The following PDZD4 variants were observed in gnomAD, a reference collection of about 807,000 sequenced individuals.
The protein encoded by PDZD4 is PDZ domain containing 4, also known as PDZ domain-containing protein 4.
Under a neutral mutation model 38.5 loss-of-function variants are expected in PDZD4, and 9 were observed. The observed-to-expected ratio is 0.23, with a 90% confidence interval of 0.14 to 0.41. The LOEUF is 0.41. PDZD4 is among the 10% of genes least tolerant of loss of function. PDZD4 has a pLI of 1.00. For missense variants in PDZD4, 612 were observed against 722.0 expected, an observed-to-expected ratio of 0.85 and a Z score of 1.75; for synonymous variants, 349 against 315.7, an observed-to-expected ratio of 1.11 and a Z score of -1.12.
chrX:153,806,607 A>G, intron 4 of PDZD4, 135 bp downstream of exon 4: 1 of 540,772 alleles, frequency 1.8e-6, no homozygotes, highest in East Asian at 3.6e-5. Flanking sequence ...GAAGCCGTCG[A>G]CCATCATCGC....
At chrX:153,813,508 C>T (rs1449267831) in intron 1 of PDZD4, among the ~76,000 whole-genome samples, 1 of 112,434 alleles carries the variant, frequency 8.9e-6, no homozygotes, top group Non-Finnish European at 1.9e-5. Flanking sequence ...TGCCAGCAGT[C>T]GAACAAACAA....
Position 153,804,333 on chromosome X carries a change from C to T in PDZD4, c.1348G>A (p.Ala450Thr), listed in dbSNP as rs1201003198. 6.6e-6 allele frequency: 8 copies of T among 1,205,854 alleles called. No homozygotes were observed. Among genetic ancestry groups the T allele is most frequent in the Non-Finnish European group, 6.7e-6 (6 of 893,925 alleles). ...TCGTGCTTCTTGGGCTCGCTGGCCG[C>T]CAGGTCGTAGAGGCTCTCCTCCTCC... ...LLEEESLYDLAASEPKKHELS... is the reference protein window; with the variant it reads ...LLEEESLYDLTASEPKKHELS... The change falls in exon 8 of 8, where the codon GCG becomes ACG. Residue 450 changes from alanine (A) to threonine (T), a missense_variant. Around this residue, in one of 3 missense-constraint regions of PDZD4, gnomAD observed 300 missense variants for 284.6 expected, o/e 1.05. Transcript: ENST00000393758.
Position 153,805,521 on chromosome X carries a change from G to A in PDZD4, c.653C>T (p.Ala218Val). The change falls in exon 6 of 8, where the codon GCC (alanine) becomes GTC (valine). Residue 218 changes from alanine to valine, a missense_variant. Physicochemically the swap from Ala to Val is moderately conservative, Grantham distance 64. Around this residue, in one of 3 missense-constraint regions of PDZD4, gnomAD observed 225 missense variants for 311.0 expected, o/e 0.72. Transcript: ENST00000393758. ...CATACACACCTGACTCTCAGGTCGG[G>A]CCACCAGCAGGGAGATGTTGGTGTT... ...EENTNISLLV[A>V]RPESQLAKRW... The A allele has an allele frequency of 8.3e-7, 1 of 1,209,260 alleles. No homozygotes were observed. Among genetic ancestry groups the A allele is most frequent in the Non-Finnish European group, 1.1e-6 (1 of 894,127 alleles).
At chrX:153,829,261 G>C (rs1228990662) in intron 1 of PDZD4, among the ~76,000 whole-genome samples, 2 of 87,111 alleles carry the variant, frequency 2.3e-5, no homozygotes, top group Non-Finnish European at 4.4e-5. Context: ...GTTCCCCCAC[G>C]TTCTCCCAAG....
chrX:153,814,797 T>TG (rs1557079516), intron 1 of PDZD4, among the ~76,000 whole-genome samples: 1 of 111,237 alleles, frequency 9.0e-6, no homozygotes, highest in African/African-American at 3.3e-5. Flanking sequence ...CCTGACCACG[T>TG]GCTGGGCATC....
intron 1 of PDZD4, among the ~76,000 whole-genome samples, chrX:153,812,336 G>A (rs1315936615): frequency 3.7e-5 from 4 of 107,763 alleles, no homozygotes; most frequent in African/African-American, 6.8e-5. Context: ...CTGAACTCCC[G>A]GGGCAGGACA....
chrX:153,816,381 C>T (rs1337481241), intron 1 of PDZD4, among the ~76,000 whole-genome samples: 4 of 108,396 alleles, frequency 3.7e-5, no homozygotes, highest in African/African-American at 1.0e-4. Flanking sequence ...TGCCAGGGAC[C>T]CCAGGGCTGG....
At chrX:153,829,719 C>T (rs1557083287) in intron 1 of PDZD4, 3 of 753,159 alleles carry the variant, frequency 4.0e-6, no homozygotes, top group East Asian at 1.5e-4. Context: ...CTGATCCCGG[C>T]GGCGCCCACT....
At chrX:153,820,113 C>G (rs1557080925) in intron 1 of PDZD4, among the ~76,000 whole-genome samples, 1 of 110,965 alleles carries the variant, frequency 9.0e-6, no homozygotes, top group Non-Finnish European at 1.9e-5. Context: ...CTTTGGGAGG[C>G]TGAGGCGGGC....
rs181194378 is a variant in PDZD4 at position 153,821,301 on chromosome X, G to A, written c.60+8938C>T. ...AGACATGTATACCGGTAGGGGTGCC[G>A]GTGACAGGGAAGGGGGTCAGTTAGC... On this transcript the variant is annotated intron_variant, in intron 1 of 7. Transcript: ENST00000393758. Among the ~76,000 whole-genome samples, 517 of 110,903 alleles carry A rather than the reference G, an allele frequency of 4.7e-3. 4 individuals carry two copies. Among genetic ancestry groups the A allele is most frequent in the African/African-American group, 0.016 (499 of 30,511 alleles).
At chrX:153,812,990 G>A (rs1449205973) in intron 1 of PDZD4, among the ~76,000 whole-genome samples, 3 of 109,987 alleles carry the variant, frequency 2.7e-5, no homozygotes, top group Non-Finnish European at 3.8e-5. Context: ...ACCTGCAAAC[G>A]TTTCCACACC....
rs973644953 is a variant in PDZD4, at chrX:153,802,776, C to G, written c.*577G>C. 9.2e-6 allele frequency: 1 copy of G among 108,887 alleles called. No individual in the cohort carries two copies. Among genetic ancestry groups the G allele is most frequent in the African/African-American group, 3.3e-5 (1 of 30,028 alleles). The allele number at this position is 108,887 out of a possible 1,213,427, so 9.0% of individuals were successfully genotyped here. On this transcript the variant is annotated 3_prime_UTR_variant, in exon 8 of 8. Transcript: ENST00000393758. ...ATCAGTGGAGAGGGGAGTTCCACTT[C>G]TGCCAGGCTGCCTGAAGGAGCTGCC...
Position 153,808,561 on chromosome X carries a change from T to C in PDZD4, c.95A>G (p.Glu32Gly), listed in dbSNP as rs781915826. The C allele has an allele frequency of 2.5e-6, 3 of 1,190,754 alleles. No homozygotes were observed. In the South Asian group the frequency reaches 5.6e-5, roughly 22 times the overall value. The change falls in exon 2 of 8, where the codon GAG becomes GGG. Residue 32 changes from glutamate to glycine, a missense_variant. Around this residue, in one of 3 missense-constraint regions of PDZD4, gnomAD observed 225 missense variants for 311.0 expected, o/e 0.72. Transcript: ENST00000393758. ...GGAGCGCAGGGCCTGCAGAGTTTGC[T>C]CCTGAGACAGCTTGGAGAGCTCCTT... ...NGKELSKLSQEQTLQALRSSK... is the reference protein window; with the variant it reads ...NGKELSKLSQGQTLQALRSSK...
chrX:153,829,104 C>A (rs1274898140), intron 1 of PDZD4, among the ~76,000 whole-genome samples: 2 of 111,407 alleles, frequency 1.8e-5, no homozygotes, highest in Non-Finnish European at 3.8e-5. Flanking sequence ...CCCCGCCCTG[C>A]CCCTCGGCTC....
chrX:153,826,911 C>A (rs2064488415), intron 1 of PDZD4, among the ~76,000 whole-genome samples: 1 of 112,052 alleles, frequency 8.9e-6, no homozygotes, highest in Non-Finnish European at 1.9e-5. Flanking sequence ...CCAAATTGAT[C>A]CACAAATTTG....
chrX:153,818,109 G>A (rs2064381126), intron 1 of PDZD4, among the ~76,000 whole-genome samples: 1 of 111,693 alleles, frequency 9.0e-6, no homozygotes, highest in African/African-American at 3.3e-5. Flanking sequence ...AGCAGGGCGT[G>A]GTGGCAGGCA....
chrX:153,819,181 G>A (rs1227286408), intron 1 of PDZD4, among the ~76,000 whole-genome samples: 2 of 112,883 alleles, frequency 1.8e-5, no homozygotes, highest in Admixed American at 9.2e-5. Context: ...CCACGCTGGT[G>A]GCTGTATTGG....
rs782528055 is a variant in PDZD4, at chrX:153,803,820, C to T, written c.1861G>A (p.Ala621Thr). Reference sequence around the variant, plus strand: ...TCCATGCGCGGTGCTTCAGTGGCCGCGGCCGCCACCCCGCCCACCCGAGGG... The same window carrying T: ...TCCATGCGCGGTGCTTCAGTGGCCGTGGCCGCCACCCCGCCCACCCGAGGG... Reference protein sequence around the residue: ...GGPRVGGVAAAATEAPRMEWK... With the variant: ...GGPRVGGVAATATEAPRMEWK... Residue 621 changes from alanine (A) to threonine (T), a missense_variant, in exon 8 of 8, where the codon GCG becomes ACG. Physicochemically the swap from Ala to Thr is moderately conservative, Grantham distance 58. Coordinates refer to ENST00000393758, the MANE Select transcript of PDZD4 (RefSeq NM_001303512.2). 2 of 1,198,169 alleles carry T rather than the reference C, an allele frequency of 1.7e-6. No individual in the cohort carries two copies. The highest frequency in any genetic ancestry group is 2.2e-6 in the Non-Finnish European group (2 of 890,548).
intron 1 of PDZD4, among the ~76,000 whole-genome samples, chrX:153,823,059 T>C (rs1024967914): frequency 2.8e-4 from 31 of 110,144 alleles, no homozygotes; most frequent in Admixed American, 2.6e-3. Context: ...ATTTTTTATT[T>C]AATTAATTTA....
Sources: allele counts gnomAD v4.1 joint callset (sites outside exome capture counted in the v4.1 genomes callset), GRCh38; gene constraint gnomAD v4.1.1; regional missense constraint gnomAD v4.1.1; transcripts MANE v1.5; gene names NCBI Gene and HGNC (gene_info 2026-07-23, HGNC 2026-07-21).